Variants in DNAJC9 observed in about 807,000 individuals in gnomAD.
The protein encoded by DNAJC9 is dnaJ homolog subfamily C member 9.
DNAJC9 carries 18 observed loss-of-function variants against 32.4 expected under a neutral mutation model. The ratio of observed to expected loss-of-function variants is 0.56; its 90% CI spans 0.38 to 0.82. The LOEUF is 0.82. DNAJC9 is among the 40% of genes least tolerant of loss of function. The pLI, the probability that DNAJC9 is intolerant of heterozygous loss-of-function variation, is 0.00. For synonymous variants in DNAJC9, 113 were observed against 122.1 expected, an observed-to-expected ratio of 0.93 and a Z score of 0.49; for missense variants, 310 against 321.8, an observed-to-expected ratio of 0.96 and a Z score of 0.28.
At position 73,247,061 on chromosome 10, in the gene DNAJC9, G is replaced by C. The variant is rs1352508112; in HGVS notation, c.129C>G (p.His43Gln). The C allele has an allele frequency of 1.3e-6, 2 of 1,583,830 alleles. No individual in the cohort carries two copies. The highest frequency in any genetic ancestry group is 2.3e-5 in the East Asian group (1 of 43,102). Residue 43 changes from histidine to glutamine, a missense_variant, in exon 1 of 5, where the codon CAC becomes CAG. By Grantham distance (24) the His-to-Gln change is conservative. Coordinates refer to ENST00000372950, the MANE Select transcript of DNAJC9 (RefSeq NM_015190.5). ...RGYHKVSLQV[H>Q]PDRVGEGDKE... is the part of the protein sequence containing the mutation. ...TGTCGCCCTCACCCACCCGGTCCGGGTGTACCTGCAGGGACACCTTGTGGT... is the reference window on the plus strand; with the variant it reads ...TGTCGCCCTCACCCACCCGGTCCGGCTGTACCTGCAGGGACACCTTGTGGT...
downstream of DNAJC9, among the ~76,000 whole-genome samples, chr10:73,236,519 TTCTCCTGC>T: frequency 2.0e-5 from 3 of 151,434 alleles, no homozygotes; most frequent in Non-Finnish European, 4.4e-5. Context: ...GTTCATGTGA[TTCTCCTGC>T]CTCAGCCTCC....
rs1361494367 is a variant in DNAJC9, at chr10:73,243,942, C to T, written c.577-13G>A. On this transcript the variant is annotated splice_polypyrimidine_tract_variant and intron_variant, in intron 3 of 4. Transcript: ENST00000372950. ...CCTCTTCCTGAGCCTGAAACAGGAA[C>T]TCACATGAGACTCAGGGCCACCAGG... 9 of 1,612,032 alleles carry T rather than the reference C, an allele frequency of 5.6e-6. No homozygotes were observed. Among genetic ancestry groups the T allele is most frequent in the Non-Finnish European group, 7.6e-6 (9 of 1,178,844 alleles).
At chr10:73,235,122 G>A (rs879208223), downstream of DNAJC9, 65 of 1,503,400 alleles carry the variant, frequency 4.3e-5, no homozygotes, top group African/African-American at 1.8e-4. Flanking sequence ...TGCCATGGTC[G>A]ATAGGGTTTT....
At chr10:73,232,677 GTGGATAA>G (rs1215161982) in intron 2 of DNAJC9, among the ~76,000 whole-genome samples, 3 of 152,234 alleles carry the variant, frequency 2.0e-5, no homozygotes, top group Non-Finnish European at 4.4e-5. Flanking sequence ...GTGATGGCAG[GTGGATAA>G]TGGACTTGCT....
intron 3 of DNAJC9, 33 bp downstream of exon 3, chr10:73,245,889 C>T: frequency 6.3e-7 from 1 of 1,597,040 alleles, no homozygotes; most frequent in South Asian, 1.1e-5. Flanking sequence ...TGGAAGCAGT[C>T]AAAATATAAA....
intron 3 of DNAJC9, 140 bp downstream of exon 3, chr10:73,245,782 T>C: frequency 1.9e-6 from 2 of 1,046,220 alleles, no homozygotes; most frequent in Non-Finnish European, 1.4e-6. Context: ...GGTATGCCCA[T>C]TTTATTAGAT....
chr10:73,233,115 G>A (rs764971459), intron 2 of DNAJC9: 2 of 1,551,678 alleles, frequency 1.3e-6, no homozygotes, highest in African/African-American at 2.7e-5. Context: ...AGCCATTCAT[G>A]TGCTGAAACA....
At chr10:73,235,127 G>T, downstream of DNAJC9, 2 of 1,515,644 alleles carry the variant, frequency 1.3e-6, no homozygotes, top group African/African-American at 1.4e-5. Context: ...TGGTCGATAG[G>T]GTTTTAACTA....
At chr10:73,234,440 A>C, downstream of DNAJC9, 1 of 201,850 alleles carries the variant, frequency 5.0e-6, no homozygotes, top group South Asian at 8.5e-5. Flanking sequence ...CGAGAACTAT[A>C]GTTATTAGGG....
Position 73,247,146 on chromosome 10 carries a change from T to C in DNAJC9, c.44A>G (p.Asp15Gly). Reference sequence around the variant, plus strand: ...TCGCACGCCCAGCACCCGGTAAAGGTCGGCGGTGCCGAACACTTCCTCGCA... The same window carrying C: ...TCGCACGCCCAGCACCCGGTAAAGGCCGGCGGTGCCGAACACTTCCTCGCA... ...DLCEEVFGTA[D>G]LYRVLGVRRE... The change falls in exon 1 of 5, where the codon GAC becomes GGC. Residue 15 changes from aspartate (D) to glycine (G), a missense_variant. Coordinates refer to ENST00000372950, the MANE Select transcript of DNAJC9 (RefSeq NM_015190.5). 6.3e-7 allele frequency: 1 copy of C among 1,596,386 alleles called. No individual in the cohort carries two copies. The highest frequency in any genetic ancestry group is 8.5e-7 in the Non-Finnish European group (1 of 1,172,514).
At position 73,246,843 on chromosome 10, in the gene DNAJC9, T is replaced by C. The variant is rs200905343; in HGVS notation, c.181-15A>G. On this transcript the variant is annotated splice_polypyrimidine_tract_variant and intron_variant, in intron 1 of 4. Transcript: ENST00000372950. ...TTTCCCAGGATCTGAGGGCAAAGAG[T>C]ATCCGTAAATCACCCCTGCTCCTCC... 6.2e-6 allele frequency: 10 copies of C among 1,612,928 alleles called. No individual in the cohort carries two copies. Among genetic ancestry groups the C allele is most frequent in the Non-Finnish European group, 7.6e-6 (9 of 1,179,916 alleles).
At chr10:73,233,284 G>A (rs1165329359) in intron 2 of DNAJC9, 1 of 722,794 alleles carries the variant, frequency 1.4e-6, no homozygotes, top group African/African-American at 1.8e-5. Flanking sequence ...GTAGTCTTAT[G>A]ACAGATTGCC....
chr10:73,234,989 T>C, downstream of DNAJC9: 1 of 1,541,304 alleles, frequency 6.5e-7, no homozygotes, highest in Non-Finnish European at 8.8e-7. Context: ...TACAACCTAA[T>C]GGGCAGTAAT....
downstream of DNAJC9, chr10:73,241,137 A>T (rs2043943453): frequency 1.4e-6 from 1 of 711,340 alleles, no homozygotes. Context: ...CTTCATGAAG[A>T]GTGATTTTGG....
chr10:73,235,378 A>G, downstream of DNAJC9: 3 of 1,544,686 alleles, frequency 1.9e-6, no homozygotes, highest in Non-Finnish European at 1.7e-6. Flanking sequence ...GGTGGGGGGA[A>G]TAATAGTTTG....
downstream of DNAJC9, among the ~76,000 whole-genome samples, chr10:73,240,615 G>C (rs2043923885): frequency 6.6e-6 from 1 of 152,022 alleles, no homozygotes; most frequent in Non-Finnish European, 1.5e-5. Context: ...GGGGGACTGA[G>C]GCAGGAGAAT....
chr10:73,242,955 T>G lies in DNAJC9; in HGVS notation c.*445A>C, dbSNP rs545413954. 77 of 164,596 alleles carry G rather than the reference T, an allele frequency of 4.7e-4. No homozygotes were observed. Among genetic ancestry groups the G allele is most frequent in the Non-Finnish European group, 9.1e-4 (69 of 75,810 alleles). The allele number at this position is 164,596 out of a possible 1,614,324, so 10.2% of individuals were successfully genotyped here. A position where few individuals can be genotyped will look rare whatever the true frequency, so the allele number is the denominator to read the frequency against. Reference sequence around the variant, plus strand: ...TGAAGAGAGGATCTATTCAAGATCATTAAGACCAAATGTAAACTGGGAAGT... The same window carrying G: ...TGAAGAGAGGATCTATTCAAGATCAGTAAGACCAAATGTAAACTGGGAAGT... On this transcript the variant is annotated 3_prime_UTR_variant, in exon 5 of 5. Coordinates refer to ENST00000372950, the MANE Select transcript of DNAJC9 (RefSeq NM_015190.5).
chr10:73,240,695 C>T (rs1226641647), downstream of DNAJC9, among the ~76,000 whole-genome samples: 1 of 143,934 alleles, frequency 6.9e-6, no homozygotes, highest in Admixed American at 7.0e-5. Context: ...CCTGGGGGGA[C>T]AGAGTGAGAC....
At chr10:73,236,723 TTC>T (rs2043831047), downstream of DNAJC9, among the ~76,000 whole-genome samples, 1 of 148,406 alleles carries the variant, frequency 6.7e-6, no homozygotes, top group African/African-American at 2.5e-5. Context: ...TTTTTTTCTT[TTC>T]TTTTTTTTTT....
Sources: gnomAD v4.1 joint callset for allele counts (sites outside exome capture counted in the v4.1 genomes callset) on GRCh38, gnomAD v4.1.1 for gene constraint, MANE v1.5 for transcripts, NCBI Gene and HGNC (gene_info 2026-07-23, HGNC 2026-07-21) for gene names.